Variants in PIWIL3 observed in about 807,000 individuals in gnomAD.
PIWIL3 encodes piwi-like protein 3.
In PIWIL3, 101 loss-of-function variants were observed where a neutral mutation model predicts 109.7. The observed-to-expected ratio is 0.92, with a 90% confidence interval of 0.78 to 1.09. The LOEUF is 1.09. PIWIL3 is among the 50% of genes least tolerant of loss of function. PIWIL3 has a pLI of 0.00. For missense variants in PIWIL3, 1,031 were observed against 1,072.6 expected (o/e 0.96, Z 0.54); for synonymous variants, 373 against 376.4 (o/e 0.99, Z 0.10).
Position 24,755,925 on chromosome 22 carries a change from A to C in PIWIL3, c.571-20T>G, listed in dbSNP as rs754720033. On this transcript the variant is annotated intron_variant, in intron 5 of 20. Transcript: ENST00000616349. ...CACTCTCTGAGATTAAAAAAAAACA[A>C]AAAAAAAAGTCCAGATATTCTTCCA... 49 of 1,442,612 alleles carry C rather than the reference A, an allele frequency of 3.4e-5. No individual in the cohort carries two copies. The highest frequency in any genetic ancestry group is 7.5e-5 in the East Asian group (3 of 40,054). The allele number at this position is 1,442,612 out of a possible 1,614,324, so 89.4% of individuals were successfully genotyped here.
chr22:24,752,109 A>T (rs1310073235), intron 8 of PIWIL3, among the ~76,000 whole-genome samples: 1 of 151,938 alleles, frequency 6.6e-6, no homozygotes. Context: ...TCTGGTTCAT[A>T]TGGTGATGAT....
At chr22:24,759,454 CTG>C (rs1267354311) in intron 3 of PIWIL3, among the ~76,000 whole-genome samples, 3 of 152,168 alleles carry the variant, frequency 2.0e-5, no homozygotes, top group African/African-American at 7.2e-5. Flanking sequence ...ATATCTGAGC[CTG>C]TGTGCATGAG....
chr22:24,739,186 A>G (rs938339680), intron 12 of PIWIL3, among the ~76,000 whole-genome samples: 15 of 152,130 alleles, frequency 9.9e-5, no homozygotes, highest in Non-Finnish European at 1.8e-4. Flanking sequence ...AAAAGAAAAC[A>G]CAGAAGCATG....
At chr22:24,748,198 G>A (rs1924484573) in intron 12 of PIWIL3, among the ~76,000 whole-genome samples, 1 of 152,190 alleles carries the variant, frequency 6.6e-6, no homozygotes, top group Non-Finnish European at 1.5e-5. Context: ...AGCTTTACAT[G>A]TTCTCACTTA....
Position 24,772,308 on chromosome 22 carries a change from C to A in PIWIL3, c.-23+2014G>T, listed in dbSNP as rs565692032. On this transcript the variant is annotated intron_variant, in intron 1 of 20. Coordinates refer to ENST00000616349, the MANE Select transcript of PIWIL3 (RefSeq NM_001255975.1). ...TCTTATATTGAAGGAATAAAGTCTGCATAATAGGAGCTCATTAAATAGCAA... is the reference window on the plus strand; with the variant it reads ...TCTTATATTGAAGGAATAAAGTCTGAATAATAGGAGCTCATTAAATAGCAA... Among the ~76,000 whole-genome samples, 9 of 152,214 alleles carry A rather than the reference C, an allele frequency of 5.9e-5. No individual in the cohort carries two copies. The South Asian group carries it at 1.7e-3, about 28-fold the overall frequency.
At chr22:24,729,933 C>CTTTTTTTTT (rs77524370) in intron 14 of PIWIL3, among the ~76,000 whole-genome samples, 2 of 125,896 alleles carry the variant, frequency 1.6e-5, no homozygotes, top group African/African-American at 2.9e-5. Flanking sequence ...TCTACTTTTT[C>CTTTTTTTTT]TTTTTTTTTT....
chr22:24,736,313 A>T lies in PIWIL3; in HGVS notation c.1450-421T>A, dbSNP rs190219521. On this transcript the variant is annotated intron_variant, in intron 12 of 20. Transcript: ENST00000616349. ...ACACTGCTGCAGCAGAACTCTCTGA[A>T]CCCCTTCTGATTGAATGCTGCACAA... Among the ~76,000 whole-genome samples the T allele has an allele frequency of 1.1e-3, 168 of 152,214 alleles. 1 individual carries two copies. Among genetic ancestry groups the T allele is most frequent in the African/African-American group, 3.9e-3 (162 of 41,536 alleles).
intron 10 of PIWIL3, 44 bp downstream of exon 10, chr22:24,749,649 G>A (rs763533255): frequency 3.3e-5 from 53 of 1,613,774 alleles, no homozygotes; most frequent in South Asian, 1.6e-4. Context: ...GCGTTAAGTC[G>A]TAATTATACC....
intron 1 of PIWIL3, among the ~76,000 whole-genome samples, chr22:24,763,928 G>C (rs1423785513): frequency 6.6e-6 from 1 of 152,188 alleles, no homozygotes; most frequent in Non-Finnish European, 1.5e-5. Context: ...GTGGCCTCGG[G>C]TTCTTGGTCC....
At chr22:24,769,820 T>TAAA (rs1926026599) in intron 1 of PIWIL3, 1 of 149,284 alleles carries the variant, frequency 6.7e-6, no homozygotes, top group Non-Finnish European at 1.5e-5. Flanking sequence ...ATAATAATAA[T>TAAA]AAATACACCA....
intron 7 of PIWIL3, 48 bp from the exon 8 acceptor site, chr22:24,754,265 C>A (rs1465764751): frequency 6.7e-7 from 1 of 1,491,348 alleles, no homozygotes; most frequent in South Asian, 1.2e-5. Flanking sequence ...TCACATAAAG[C>A]CAAGGGTTTC....
chr22:24,756,281 T>C (rs1925025839), intron 5 of PIWIL3, among the ~76,000 whole-genome samples: 2 of 152,162 alleles, frequency 1.3e-5, no homozygotes, highest in Non-Finnish European at 2.9e-5. Context: ...CACATTGTAT[T>C]ATTAAATTTC....
chr22:24,735,267 G>A (rs149142189), intron 13 of PIWIL3, among the ~76,000 whole-genome samples: 89 of 152,178 alleles, frequency 5.8e-4, no homozygotes, highest in African/African-American at 2.1e-3. Flanking sequence ...TGGACTTTGG[G>A]TGATTATGAT....
intron 14 of PIWIL3, among the ~76,000 whole-genome samples, chr22:24,729,759 C>T (rs182601997): frequency 6.6e-6 from 1 of 152,268 alleles, no homozygotes; most frequent in Non-Finnish European, 1.5e-5. Context: ...ATTTCAAATG[C>T]ATTGTCTGCA....
chr22:24,733,632 A>C (rs1409943964), intron 14 of PIWIL3, among the ~76,000 whole-genome samples: 1 of 152,190 alleles, frequency 6.6e-6, no homozygotes, highest in Non-Finnish European at 1.5e-5. Context: ...GTGGGCCGAG[A>C]TCATGCCACT....
chr22:24,765,679 A>G (rs1199780306), intron 1 of PIWIL3, among the ~76,000 whole-genome samples: 1 of 152,134 alleles, frequency 6.6e-6, no homozygotes, highest in Non-Finnish European at 1.5e-5. Flanking sequence ...CTGTACTTTA[A>G]GATACCCATC....
Position 24,728,240 on chromosome 22 carries a change from G to T in PIWIL3, c.1842C>A (p.Val614=). The T allele has an allele frequency of 6.2e-7, 1 of 1,614,200 alleles. No homozygotes were observed. The highest frequency in any genetic ancestry group is 2.2e-5 in the East Asian group (1 of 44,880). ...AATTCATCTGCTGGGCAATCTTGGT[G>T]ACGATGGTCCTTGCCTGGACTTTTT... ...TLEKVQARTI[V]TKIAQQMNCK... Residue 614 remains valine, a synonymous_variant, in exon 15 of 21, where the codon GTC becomes GTA. Transcript: ENST00000616349.
Position 24,727,953 on chromosome 22 carries a change from G to C in PIWIL3, c.2006C>G (p.Thr669Arg), listed in dbSNP as rs147990065. ...ATGTCTACCAGAGCTTACTTACTTT[G>C]TTAATTCAGCATTGGTACTTGCAAC... The part of the protein sequence containing the change: ...GFVASTNAEL[T>R]KWYSQCVIQK... Residue 669 changes from threonine to arginine, a missense_variant, in exon 16 of 21, where the codon ACA (threonine) becomes AGA (arginine). Thr to Arg is a moderately conservative substitution (Grantham distance 71). Coordinates refer to ENST00000616349, the MANE Select transcript of PIWIL3 (RefSeq NM_001255975.1). 2 of 1,608,846 alleles carry C rather than the reference G, an allele frequency of 1.2e-6. No individual in the cohort carries two copies. The highest frequency in any genetic ancestry group is 1.7e-6 in the Non-Finnish European group (2 of 1,176,578).
intron 1 of PIWIL3, 55 bp from the exon 2 acceptor site, chr22:24,762,576 T>G: frequency 7.3e-7 from 1 of 1,374,550 alleles, no homozygotes; most frequent in Non-Finnish European, 9.8e-7. Flanking sequence ...TGTCTTACTC[T>G]CTTTAGGGTT....
Sources: allele counts gnomAD v4.1 joint callset (sites outside exome capture counted in the v4.1 genomes callset), GRCh38; gene constraint gnomAD v4.1.1; transcripts MANE v1.5; gene names NCBI Gene and HGNC (gene_info 2026-07-23, HGNC 2026-07-21).